Variants in GABBR2 observed in about 807,000 individuals in gnomAD.
The protein encoded by GABBR2 is gamma-aminobutyric acid type B receptor subunit 2.
A neutral mutation model predicts 105.6 loss-of-function variants in GABBR2; 23 were observed. The ratio of observed to expected loss-of-function variants is 0.22; its 90% CI spans 0.16 to 0.31. The LOEUF (loss-of-function observed/expected upper bound fraction) is 0.31. Ranked by LOEUF, GABBR2 falls within the 10% of genes least tolerant of loss-of-function variation. The pLI, the probability that GABBR2 is intolerant of heterozygous loss-of-function variation, is 1.00. For missense variants in GABBR2, 734 were observed against 1,245.5 expected (o/e 0.59, Z 6.18); for synonymous variants, 478 against 499.7 (o/e 0.96, Z 0.58).
intron 1 of GABBR2, among the ~76,000 whole-genome samples, chr9:98,632,797 A>G (rs1471046236): frequency 6.6e-6 from 1 of 152,224 alleles, no homozygotes; most frequent in Non-Finnish European, 1.5e-5. Flanking sequence ...ATCCTTGAGC[A>G]TGATAAAATG....
intron 1 of GABBR2, among the ~76,000 whole-genome samples, chr9:98,672,026 G>C (rs930395502): frequency 2.0e-5 from 3 of 152,114 alleles, no homozygotes; most frequent in Admixed American, 6.6e-5. Context: ...CTCTCACCAA[G>C]AGAACCCAGA....
At chr9:98,402,200 C>T (rs977236123) in intron 8 of GABBR2, among the ~76,000 whole-genome samples, 8 of 152,040 alleles carry the variant, frequency 5.3e-5, no homozygotes, top group Admixed American at 4.6e-4. Flanking sequence ...TGAGTTGGAG[C>T]GGCAGATGCT....
intron 7 of GABBR2, among the ~76,000 whole-genome samples, chr9:98,451,451 A>G (rs956611230): frequency 6.6e-6 from 1 of 152,194 alleles, no homozygotes; most frequent in Non-Finnish European, 1.5e-5. Context: ...CAGAGCCTTT[A>G]GTCCAGAATG....
intron 1 of GABBR2, among the ~76,000 whole-genome samples, chr9:98,613,604 A>G (rs553729652): frequency 6.6e-6 from 1 of 152,384 alleles, no homozygotes; most frequent in East Asian, 1.9e-4. Context: ...TAAGGAGTCA[A>G]TAACTGGATG....
intron 1 of GABBR2, among the ~76,000 whole-genome samples, chr9:98,590,544 A>G (rs754274164): frequency 5.9e-5 from 9 of 152,250 alleles, no homozygotes; most frequent in Non-Finnish European, 1.2e-4. Context: ...GACATTTTTA[A>G]AAGTCAGGGT....
chr9:98,420,735 G>A (rs558418733), intron 7 of GABBR2, among the ~76,000 whole-genome samples: 1 of 152,184 alleles, frequency 6.6e-6, no homozygotes, highest in Non-Finnish European at 1.5e-5. Context: ...AAGCGCTAGG[G>A]AGAGATCACC....
At chr9:98,404,478 T>G (rs974228545) in intron 8 of GABBR2, among the ~76,000 whole-genome samples, 7 of 152,128 alleles carry the variant, frequency 4.6e-5, no homozygotes, top group African/African-American at 9.7e-5. Flanking sequence ...TCACTTTAAT[T>G]TCTTGCTTTC....
intron 7 of GABBR2, among the ~76,000 whole-genome samples, chr9:98,429,121 G>GGTGTGTGTGTGTGTGTGTGTGTGTGT (rs56248488): frequency 2.1e-5 from 3 of 145,482 alleles, no homozygotes; most frequent in Admixed American, 6.9e-5. Flanking sequence ...CCAGGTTTTT[G>GGTGTGTGTGTGTGTGTGTGTGTGTGT]GTGTGTGTGT....
intron 11 of GABBR2, among the ~76,000 whole-genome samples, chr9:98,379,389 C>T (rs563921250): frequency 1.3e-5 from 2 of 152,354 alleles, no homozygotes; most frequent in Admixed American, 1.3e-4. Context: ...CTGCCTCAGC[C>T]TCCTGAGTAG....
At chr9:98,587,189 T>G (rs1411160346) in intron 1 of GABBR2, among the ~76,000 whole-genome samples, 1 of 152,350 alleles carries the variant, frequency 6.6e-6, no homozygotes, top group South Asian at 2.1e-4. Flanking sequence ...AGCCTGTGTT[T>G]CCTCTTTTGG....
At position 98,303,389 on chromosome 9, in the gene GABBR2, G is replaced by A. The variant is rs1304352816; in HGVS notation, c.2264C>T (p.Thr755Met). Reference protein sequence around the residue: ...ITLRTNPDAATQNRRFQFTQN... With the variant: ...ITLRTNPDAAMQNRRFQFTQN... ...AGTGAACTGGAATCGCCTGTTCTGC[G>A]TTGCTGCATCTGGGTTTGTTCTCAG... The change falls in exon 16 of 19, where the codon ACG becomes ATG. Residue 755 changes from threonine (T) to methionine (M), a missense_variant. By Grantham distance (81) the Thr-to-Met change is moderately conservative. This residue lies in a region of GABBR2 where 91 missense variants were observed against 185.9 expected (regional missense o/e 0.49). Transcript: ENST00000259455. 19 of 1,614,168 alleles carry A rather than the reference G, an allele frequency of 1.2e-5. No individual in the cohort carries two copies. Among genetic ancestry groups the A allele is most frequent in the Non-Finnish European group, 1.4e-5 (17 of 1,180,004 alleles).
intron 3 of GABBR2, among the ~76,000 whole-genome samples, chr9:98,524,081 T>C (rs2779580): frequency 0.96 from 146,545 of 152,230 alleles, 70,590 homozygotes; most frequent in African/African-American, 0.99. Flanking sequence ...GGACTATTTT[T>C]GAGAAAATAT....
At chr9:98,437,794 A>G (rs1262327223) in intron 7 of GABBR2, among the ~76,000 whole-genome samples, 1 of 150,714 alleles carries the variant, frequency 6.6e-6, no homozygotes, top group Admixed American at 6.6e-5. Context: ...ACCTATAGCT[A>G]TTGACCTACC....
At chr9:98,435,250 T>C (rs1180671536) in intron 7 of GABBR2, among the ~76,000 whole-genome samples, 4 of 152,224 alleles carry the variant, frequency 2.6e-5, no homozygotes, top group Non-Finnish European at 1.5e-5. Flanking sequence ...GCTTAAAGTA[T>C]GCAAAATACT....
At chr9:98,550,755 T>A (rs1828473761) in intron 2 of GABBR2, among the ~76,000 whole-genome samples, 1 of 152,184 alleles carries the variant, frequency 6.6e-6, no homozygotes, top group Admixed American at 6.5e-5. Context: ...GGAGGGGTGA[T>A]GGCAGGATGT....
intron 1 of GABBR2, among the ~76,000 whole-genome samples, chr9:98,592,238 C>T (rs1460257037): frequency 6.6e-6 from 1 of 152,190 alleles, no homozygotes; most frequent in African/African-American, 2.4e-5. Flanking sequence ...GAACCAGATA[C>T]CTGGGAGCCT....
chr9:98,336,986 T>C (rs746342999), intron 13 of GABBR2, among the ~76,000 whole-genome samples: 1 of 152,190 alleles, frequency 6.6e-6, no homozygotes, highest in East Asian at 1.9e-4. Context: ...AATTATATAA[T>C]CTTATGGGTA....
intron 2 of GABBR2, among the ~76,000 whole-genome samples, chr9:98,564,405 T>C (rs2808526): frequency 0.33 from 50,642 of 152,014 alleles, 9,251 homozygotes; most frequent in East Asian, 0.57. Flanking sequence ...CAACCCCAAG[T>C]AGTGCAGTGA....
At chr9:98,358,965 C>G (rs578029214) in intron 13 of GABBR2, among the ~76,000 whole-genome samples, 7 of 152,304 alleles carry the variant, frequency 4.6e-5, no homozygotes, top group Middle Eastern at 3.4e-3. Context: ...GCTGAGTGAC[C>G]TGGGCCAGTC....
Sources: allele counts gnomAD v4.1 joint callset (sites outside exome capture counted in the v4.1 genomes callset), GRCh38; gene constraint gnomAD v4.1.1; regional missense constraint gnomAD v4.1.1; transcripts MANE v1.5; gene names NCBI Gene and HGNC (gene_info 2026-07-23, HGNC 2026-07-21).